The following ENOPH1 variants were observed in gnomAD, a reference collection of about 807,000 sequenced individuals.
ENOPH1 encodes the protein enolase-phosphatase E1.
In ENOPH1, 14 loss-of-function variants were observed where a neutral mutation model predicts 31.1. That is an observed-to-expected ratio of 0.45 (90% CI 0.30 to 0.70). The LOEUF is 0.70. ENOPH1 is among the 30% of genes least tolerant of loss of function. ENOPH1 has a pLI of 0.09. For synonymous variants in ENOPH1, 127 were observed against 123.2 expected, an observed-to-expected ratio of 1.03 and a Z score of -0.21; for missense variants, 243 against 321.5, an observed-to-expected ratio of 0.76 and a Z score of 1.87.
chr4:82,459,705 C>T (rs1452223566), intron 5 of ENOPH1, among the ~76,000 whole-genome samples: 8 of 152,146 alleles, frequency 5.3e-5, no homozygotes, highest in African/African-American at 1.7e-4. Context: ...TTCATAAGTA[C>T]TTAATAAAGC....
In ENOPH1 at chr4:82,430,607, C is replaced by A. The variant is rs1019267779; in HGVS notation, c.-223C>A. 1.3e-5 allele frequency: 7 copies of A among 550,836 alleles called. No individual in the cohort carries two copies. Among genetic ancestry groups the A allele is most frequent in the African/African-American group, 5.9e-5 (3 of 51,228 alleles). 34.1% of individuals were successfully genotyped at this position (550,836 alleles called of 1,614,324 possible). A position where few individuals can be genotyped will look rare whatever the true frequency, so the allele number is the denominator to read the frequency against. On this transcript the variant is annotated 5_prime_UTR_variant, in exon 1 of 6. Transcript: ENST00000273920. ...CCCACGTGGTCTCGGGCTCCTGCCC[C>A]GTCCTGCTCACGAGTTCAGGGCTCC...
chr4:82,441,995 T>C (rs1257114623), intron 1 of ENOPH1, among the ~76,000 whole-genome samples: 1 of 152,200 alleles, frequency 6.6e-6, no homozygotes, highest in East Asian at 1.9e-4. Context: ...AAATGTGGTC[T>C]TTCTTCAGAC....
At chr4:82,449,831 A>C (rs1722302042) in intron 2 of ENOPH1, among the ~76,000 whole-genome samples, 2 of 151,952 alleles carry the variant, frequency 1.3e-5, no homozygotes. Context: ...CTCCCCTTCC[A>C]GACTCCTCAC....
chr4:82,444,691 C>G (rs187177072), intron 1 of ENOPH1, among the ~76,000 whole-genome samples: 51 of 152,272 alleles, frequency 3.3e-4, no homozygotes, highest in Non-Finnish European at 5.9e-4. Context: ...TTGCTGCTTG[C>G]ACAGTATCCT....
At chr4:82,440,320 A>G (rs561960623) in intron 1 of ENOPH1, among the ~76,000 whole-genome samples, 67 of 152,320 alleles carry the variant, frequency 4.4e-4, no homozygotes, top group African/African-American at 1.6e-3. Flanking sequence ...AGAAATTTCC[A>G]TAGAGAATAT....
intron 5 of ENOPH1, among the ~76,000 whole-genome samples, chr4:82,457,577 T>C (rs557950633): frequency 1.4e-4 from 22 of 152,160 alleles, no homozygotes; most frequent in Non-Finnish European, 2.9e-4. Flanking sequence ...CTAACTCTTC[T>C]CGTTTAACTC....
At chr4:82,448,914 C>T (rs1013400167) in intron 2 of ENOPH1, among the ~76,000 whole-genome samples, 8 of 151,414 alleles carry the variant, frequency 5.3e-5, no homozygotes, top group Middle Eastern at 3.4e-3. Context: ...AAAAATTAGC[C>T]GGGCGTAGTG....
chr4:82,444,489 G>A (rs1388236734), intron 1 of ENOPH1, among the ~76,000 whole-genome samples: 2 of 152,168 alleles, frequency 1.3e-5, no homozygotes, highest in Non-Finnish European at 2.9e-5. Flanking sequence ...CTTCAAAGGA[G>A]ATGAATAAAT....
intron 1 of ENOPH1, among the ~76,000 whole-genome samples, chr4:82,441,271 A>AG (rs1440260676): frequency 2.8e-4 from 42 of 152,134 alleles, no homozygotes; most frequent in Non-Finnish European, 4.4e-5. Context: ...GGAAGAGCAA[A>AG]GGGATATTTT....
At chr4:82,452,184 G>T (rs1248301270) in intron 3 of ENOPH1, among the ~76,000 whole-genome samples, 1 of 152,002 alleles carries the variant, frequency 6.6e-6, no homozygotes, top group African/African-American at 2.4e-5. Flanking sequence ...TCCCGCCTCA[G>T]CCTCCTCATT....
At chr4:82,438,508 C>T (rs1721964168) in intron 1 of ENOPH1, among the ~76,000 whole-genome samples, 1 of 152,078 alleles carries the variant, frequency 6.6e-6, no homozygotes, top group African/African-American at 2.4e-5. Flanking sequence ...AAAAAATTGG[C>T]TGGACATGGT....
intron 1 of ENOPH1, among the ~76,000 whole-genome samples, chr4:82,434,826 G>T (rs1259855832): frequency 6.6e-6 from 1 of 152,126 alleles, no homozygotes; most frequent in Non-Finnish European, 1.5e-5. Context: ...AGAATCGCTT[G>T]TACCTGGGAG....
chr4:82,447,130 C>A (rs927303883), intron 1 of ENOPH1, among the ~76,000 whole-genome samples: 2 of 152,068 alleles, frequency 1.3e-5, no homozygotes, highest in African/African-American at 4.8e-5. Flanking sequence ...AGATTACAGG[C>A]ACCCGCCACC....
chr4:82,434,943 T>G (rs1005939939), intron 1 of ENOPH1, among the ~76,000 whole-genome samples: 1 of 151,930 alleles, frequency 6.6e-6, no homozygotes, highest in Admixed American at 6.6e-5. Context: ...AATTTCAGTT[T>G]ATAGCATGTC....
At position 82,451,028 on chromosome 4, in the gene ENOPH1, G is replaced by T. The variant is rs753970222; in HGVS notation, c.187-15G>T. 6 of 1,608,342 alleles carry T rather than the reference G, an allele frequency of 3.7e-6. No individual in the cohort carries two copies. The Admixed American group carries it at 8.4e-5, about 22-fold the overall frequency. ...ATAAGCAAAAAACAAACATCATGTT[G>T]TTTCTGACTTAAAGGCTGAAGAGGA... On this transcript the variant is annotated splice_polypyrimidine_tract_variant and intron_variant, in intron 2 of 5. Transcript: ENST00000273920.
chr4:82,459,978 C>T lies in ENOPH1; in HGVS notation c.647-3C>T, dbSNP rs1383336635. On this transcript the variant is annotated splice_region_variant and splice_polypyrimidine_tract_variant and intron_variant, in intron 5 of 5. Coordinates refer to ENST00000273920, the MANE Select transcript of ENOPH1 (RefSeq NM_021204.5). ...CACACACACATCCTTTGATTTTTCA[C>T]AGAGGCCAGTGCTGCTGAGGAAGCA... 13 of 1,612,984 alleles carry T rather than the reference C, an allele frequency of 8.1e-6. No individual in the cohort carries two copies. In the Admixed American group the frequency reaches 1.5e-4, roughly 19 times the overall value.
chr4:82,447,312 C>T (rs892405717), intron 1 of ENOPH1, among the ~76,000 whole-genome samples: 1 of 152,088 alleles, frequency 6.6e-6, no homozygotes, highest in Non-Finnish European at 1.5e-5. Flanking sequence ...TAGGATGCTC[C>T]AAAGGTAGTC....
At chr4:82,447,014 C>G (rs749673437) in intron 1 of ENOPH1, among the ~76,000 whole-genome samples, 8 of 151,684 alleles carry the variant, frequency 5.3e-5, no homozygotes, top group Non-Finnish European at 1.2e-4. Flanking sequence ...CCAACGGAAT[C>G]TTATTCTGTC....
At chr4:82,446,072 A>G (rs554862612) in intron 1 of ENOPH1, among the ~76,000 whole-genome samples, 1 of 152,256 alleles carries the variant, frequency 6.6e-6, no homozygotes, top group South Asian at 2.1e-4. Context: ...ATTATTTATC[A>G]TGAAATTTGG....
Sources: gnomAD v4.1 joint callset for allele counts (sites outside exome capture counted in the v4.1 genomes callset) on GRCh38, gnomAD v4.1.1 for gene constraint, MANE v1.5 for transcripts, NCBI Gene and HGNC (gene_info 2026-07-23, HGNC 2026-07-21) for gene names.